NAALADL2: variants seen among roughly 807,000 people sequenced by gnomAD.
NAALADL2 encodes the protein N-acetylated alpha-linked acidic dipeptidase like 2, also known as inactive N-acetylated-alpha-linked acidic dipeptidase-like protein 2.
NAALADL2 carries 76 observed loss-of-function variants against 87.2 expected under a neutral mutation model. The ratio of observed to expected loss-of-function variants is 0.87; its 90% CI spans 0.72 to 1.05. The LOEUF is 1.05. Among genes scored for constraint, NAALADL2 ranks in the 50% least tolerant of loss-of-function variants. The pLI is 0.00. For missense variants in NAALADL2, 1,089 were observed against 945.8 expected (o/e 1.15, Z -1.99); for synonymous variants, 354 against 331.0 (o/e 1.07, Z -0.75).
At chr3:174,818,417 T>C (rs1579059369) in intron 3 of NAALADL2, among the ~76,000 whole-genome samples, 1 of 152,070 alleles carries the variant, frequency 6.6e-6, no homozygotes, top group East Asian at 1.9e-4. Context: ...AGAGAAACTG[T>C]CTTAGGGCCA....
chr3:174,819,870 T>A (rs954203532), intron 3 of NAALADL2, among the ~76,000 whole-genome samples: 3 of 152,166 alleles, frequency 2.0e-5, no homozygotes, highest in Non-Finnish European at 4.4e-5. Flanking sequence ...TAATAATAGT[T>A]CTGAAATTTT....
chr3:175,574,131 T>G (rs1403594382), intron 9 of NAALADL2, among the ~76,000 whole-genome samples: 1 of 152,202 alleles, frequency 6.6e-6, no homozygotes, highest in South Asian at 2.1e-4. Flanking sequence ...AAAGTTGGAA[T>G]AACTTATTTT....
At chr3:175,601,760 T>C (rs566365991) in intron 10 of NAALADL2, among the ~76,000 whole-genome samples, 10 of 152,286 alleles carry the variant, frequency 6.6e-5, no homozygotes, top group African/African-American at 2.2e-4. Context: ...ATATCTTTCA[T>C]AAACGCCAAA....
chr3:175,199,804 T>C (rs1402941514), intron 2 of NAALADL2, among the ~76,000 whole-genome samples: 8 of 120,460 alleles, frequency 6.6e-5, no homozygotes, highest in Admixed American at 5.8e-4. Context: ...TTTTTCTTTG[T>C]GTAGGGGGGA....
intron 2 of NAALADL2, among the ~76,000 whole-genome samples, chr3:175,197,249 CTG>C (rs1739157321): frequency 6.6e-6 from 1 of 151,978 alleles, no homozygotes; most frequent in African/African-American, 2.4e-5. Flanking sequence ...TCTCTGTTAA[CTG>C]TGAATAAGCC....
chr3:174,622,354 A>G (rs1290939730), intron 2 of NAALADL2, among the ~76,000 whole-genome samples: 1 of 152,222 alleles, frequency 6.6e-6, no homozygotes, highest in Non-Finnish European at 1.5e-5. Flanking sequence ...GGATTGATAA[A>G]AGGATTAAGT....
At chr3:175,367,410 C>A (rs1223319364) in intron 5 of NAALADL2, among the ~76,000 whole-genome samples, 2 of 151,778 alleles carry the variant, frequency 1.3e-5, no homozygotes, top group African/African-American at 4.8e-5. Context: ...TCATTGGTAG[C>A]TTGATGGGGA....
At chr3:175,667,143 G>C (rs1733124618) in intron 11 of NAALADL2, among the ~76,000 whole-genome samples, 1 of 136,902 alleles carries the variant, frequency 7.3e-6, no homozygotes, top group Non-Finnish European at 1.6e-5. Flanking sequence ...AAGAAAGAAA[G>C]AGAGAGAGAG....
At chr3:174,703,298 C>A (rs1325738166) in intron 2 of NAALADL2, among the ~76,000 whole-genome samples, 3 of 147,474 alleles carry the variant, frequency 2.0e-5, no homozygotes, top group Non-Finnish European at 4.5e-5. Context: ...TGCTACCATG[C>A]CTGGCTTTTT....
At chr3:175,085,693 G>A (rs1396698731) in intron 1 of NAALADL2, among the ~76,000 whole-genome samples, 1 of 152,138 alleles carries the variant, frequency 6.6e-6, no homozygotes, top group Non-Finnish European at 1.5e-5. Flanking sequence ...GGGAGGCCTA[G>A]CAGATCATGA....
intron 3 of NAALADL2, among the ~76,000 whole-genome samples, chr3:174,843,103 G>A (rs572051505): frequency 6.6e-6 from 1 of 152,030 alleles, no homozygotes; most frequent in African/African-American, 2.4e-5. Context: ...TTTCTGTATA[G>A]TAAGACCATT....
intron 4 of NAALADL2, among the ~76,000 whole-genome samples, chr3:175,310,292 CAA>C (rs1758202644): frequency 1.3e-5 from 2 of 151,952 alleles, no homozygotes; most frequent in African/African-American, 2.4e-5. Flanking sequence ...CTATAAATTA[CAA>C]AGTCATTGAA....
chr3:175,055,981 G>A lies in NAALADL2; in HGVS notation c.44-40809G>A, dbSNP rs574019598. 3.9e-5 allele frequency among the ~76,000 whole-genome samples: 6 copies of A among 152,190 alleles called. No homozygotes were observed. In the South Asian group the frequency reaches 8.3e-4, roughly 21 times the overall value. ...ATAATATTTCCCTGTTGATCTGGGC[G>A]GTGTATTCTAACAGGGGACTGCCAA... On this transcript the variant is annotated intron_variant, in intron 1 of 13. Coordinates refer to ENST00000454872, the MANE Select transcript of NAALADL2 (RefSeq NM_207015.3).
chr3:174,782,642 G>A (rs920072167), intron 3 of NAALADL2, among the ~76,000 whole-genome samples: 3 of 152,036 alleles, frequency 2.0e-5, no homozygotes, highest in Admixed American at 2.0e-4. Flanking sequence ...AAAGAAAAAA[G>A]GTTTAATTGA....
intron 2 of NAALADL2, among the ~76,000 whole-genome samples, chr3:175,145,901 T>C (rs1730682907): frequency 6.6e-6 from 1 of 152,098 alleles, no homozygotes; most frequent in African/African-American, 2.4e-5. Context: ...AATAAACCTC[T>C]TCTTTATCAT....
At chr3:174,796,143 G>A (rs11709629) in intron 3 of NAALADL2, among the ~76,000 whole-genome samples, 37,256 of 152,004 alleles carry the variant, frequency 0.25, 4,933 homozygotes, top group African/African-American at 0.3. Flanking sequence ...CAGAAGAAAC[G>A]GCATGTGAGG....
chr3:175,372,305 A>AAT (rs1766607879), intron 5 of NAALADL2, among the ~76,000 whole-genome samples: 2 of 152,228 alleles, frequency 1.3e-5, no homozygotes, highest in African/African-American at 4.8e-5. Flanking sequence ...CTGGAGCGAA[A>AAT]ACATGCATGT....
intron 2 of NAALADL2, among the ~76,000 whole-genome samples, chr3:174,580,504 T>C (rs538004836): frequency 7.8e-4 from 118 of 152,222 alleles, no homozygotes; most frequent in Middle Eastern, 3.4e-3. Flanking sequence ...CTCACTAAAA[T>C]GAAGATGTTG....
At chr3:174,545,664 T>G (rs1164400044) in intron 1 of NAALADL2, among the ~76,000 whole-genome samples, 9 of 152,046 alleles carry the variant, frequency 5.9e-5, no homozygotes, top group Non-Finnish European at 1.3e-4. Flanking sequence ...TTTTTTTGTT[T>G]TATTTTTATT....
Sources: allele counts gnomAD v4.1 joint callset (sites outside exome capture counted in the v4.1 genomes callset), GRCh38; gene constraint gnomAD v4.1.1; transcripts MANE v1.5; gene names NCBI Gene and HGNC (gene_info 2026-07-23, HGNC 2026-07-21).